Variants in AP5Z1 observed in about 807,000 individuals in gnomAD.
AP5Z1 encodes the protein adaptor related protein complex 5 subunit zeta 1.
Under a neutral mutation model 83.0 loss-of-function variants are expected in AP5Z1, and 106 were observed. That is an observed-to-expected ratio of 1.28 (90% CI 1.09 to 1.50). The LOEUF (loss-of-function observed/expected upper bound fraction) is 1.50, where lower values mean the gene tolerates loss of function less well. AP5Z1 is among the 40% of genes most tolerant of loss of function. The probability of loss-of-function intolerance (pLI) is 0.00; values close to 1 mark genes in which losing one functional copy is unlikely to be tolerated. For missense variants in AP5Z1, 1,565 were observed against 1,094.2 expected (o/e 1.43, Z -6.07); for synonymous variants, 751 against 514.1 (o/e 1.46, Z -6.23).
chr7:4,785,140 C>T, intron 7 of AP5Z1, 92 bp downstream of exon 7: 1 of 1,505,092 alleles, frequency 6.6e-7, no homozygotes, highest in Non-Finnish European at 8.9e-7. Context: ...CCCTGAGCTA[C>T]TGCTCCACAG....
chr7:4,783,732 C>G lies in AP5Z1; in HGVS notation c.555C>G (p.Arg185=). ...LLSKRLVDWL[R]YASLQQGLPH... ...GCAAGCGGCTGGTCGACTGGCTGCG[C>G]TACGCCAGCCTCCAGCAAGGGCTCC... is the stretch of plus-strand genomic sequence containing the variant. Residue 185 remains arginine, a synonymous_variant, in exon 5 of 17, where the codon CGC becomes CGG. Transcript: ENST00000649063. The G allele has an allele frequency of 6.4e-7, 1 of 1,550,622 alleles. No homozygotes were observed. Among genetic ancestry groups the G allele is most frequent in the Middle Eastern group, 1.7e-4 (1 of 5,992 alleles).
chr7:4,787,721 C>A lies in AP5Z1; in HGVS notation c.1399C>A (p.Leu467Met), dbSNP rs1298374280. The A allele has an allele frequency of 3.2e-6, 5 of 1,548,888 alleles. No homozygotes were observed. The South Asian group carries it at 4.7e-5, about 15-fold the overall frequency. Residue 467 changes from leucine to methionine, a missense_variant, in exon 11 of 17, where the codon CTG becomes ATG. Physicochemically the swap from Leu to Met is conservative, Grantham distance 15. Coordinates refer to ENST00000649063, the MANE Select transcript of AP5Z1 (RefSeq NM_014855.3). ...GGACGCTGGCACAGCCCTGGAGATG[C>A]TGCACGCGCTGCTGGACCTGCCCTG... Reference protein sequence around the residue: ...LVDAGTALEMLHALLDLPCLT... With the variant: ...LVDAGTALEMMHALLDLPCLT...
In AP5Z1 at chr7:4,792,227, C is replaced by CGGTGCCTGGGACGGGCTCA; in HGVS notation, c.*844_*862dup. ...GCACAGCTGTGTCGCACGTTCCGCC[C>CGGTGCCTGGGACGGGCTCA]GGTGCCTGGGACGGGCTCAGCCGCC... On this transcript the variant is annotated 3_prime_UTR_variant, in exon 17 of 17. Coordinates refer to ENST00000649063, the MANE Select transcript of AP5Z1 (RefSeq NM_014855.3). 1 of 152,358 alleles carries CGGTGCCTGGGACGGGCTCA rather than the reference C, an allele frequency of 6.6e-6. No homozygotes were observed. Among genetic ancestry groups the CGGTGCCTGGGACGGGCTCA allele is most frequent in the East Asian group, 1.9e-4 (1 of 5,176 alleles). The allele number at this position is 152,358 out of a possible 1,614,324, so 9.4% of individuals were successfully genotyped here. A position where few individuals can be genotyped will look rare whatever the true frequency, so the allele number is the denominator to read the frequency against.
At chr7:4,790,376 C>T (rs751140125) in intron 14 of AP5Z1, 83 bp from the exon 15 acceptor site, 76 of 1,599,848 alleles carry the variant, frequency 4.8e-5, no homozygotes, top group African/African-American at 1.1e-4. Flanking sequence ...AGACGCTTCC[C>T]GGGTTTCTCC....
chr7:4,789,074 A>C (rs1233699108), intron 13 of AP5Z1, 123 bp downstream of exon 13: 2 of 837,432 alleles, frequency 2.4e-6, no homozygotes, highest in Non-Finnish European at 3.7e-6. Flanking sequence ...CCCACCATCC[A>C]CGGTCCCTGT....
chr7:4,787,864 C>A (rs1781602159), intron 11 of AP5Z1, 88 bp downstream of exon 11: 4 of 1,419,260 alleles, frequency 2.8e-6, no homozygotes, highest in South Asian at 1.4e-5. Context: ...CTGACCCCTA[C>A]ACCGGGGACC....
intron 7 of AP5Z1, 22 bp downstream of exon 7, chr7:4,785,070 C>G: frequency 6.3e-7 from 1 of 1,577,730 alleles, no homozygotes; most frequent in Non-Finnish European, 8.6e-7. Context: ...ACCCAGGGCA[C>G]TGGCCTCCCC....
intron 12 of AP5Z1, chr7:4,788,639 T>G (rs1157743539): frequency 3.7e-6 from 2 of 536,444 alleles, no homozygotes; most frequent in East Asian, 6.3e-5. Context: ...CACGCCAGCC[T>G]TTGTCCCGAT....
rs1781602159 is a variant in AP5Z1, at chr7:4,787,864, C to T, written c.1454+88C>T. On this transcript the variant is annotated intron_variant, in intron 11 of 16. Coordinates refer to ENST00000649063, the MANE Select transcript of AP5Z1 (RefSeq NM_014855.3). Reference sequence around the variant, plus strand: ...CCCTCCTCGCTGCTCCTGACCCCTACACCGGGGACCCTCCTTCTTCCCCCC... The same window carrying T: ...CCCTCCTCGCTGCTCCTGACCCCTATACCGGGGACCCTCCTTCTTCCCCCC... 22 of 1,419,380 alleles carry T rather than the reference C, an allele frequency of 1.5e-5. No individual in the cohort carries two copies. In the Middle Eastern group the frequency reaches 7.6e-4, roughly 49 times the overall value. 87.9% of individuals were successfully genotyped at this position (1,419,380 alleles called of 1,614,324 possible). A position where few individuals can be genotyped will look rare whatever the true frequency, so the allele number is the denominator to read the frequency against.
intron 7 of AP5Z1, 102 bp from the exon 8 acceptor site, chr7:4,785,313 C>T: frequency 2.0e-6 from 3 of 1,476,760 alleles, no homozygotes; most frequent in Non-Finnish European, 2.7e-6. Context: ...TCCCACCCCC[C>T]TGCTCCCGGT....
chr7:4,786,308 G>C lies in AP5Z1; in HGVS notation c.1191G>C (p.Pro397=). ...AVYQHLFTRI[P]VEQFHSPMLA... is the part of the protein sequence containing the mutation. ...ACCAGCACCTGTTCACCAGGATCCC[G>C]GTGGAGCAGTTCCACAGCCCCATGC... The change falls in exon 10 of 17, where the codon CCG becomes CCC. Residue 397 remains proline (P), a synonymous_variant. Coordinates refer to ENST00000649063, the MANE Select transcript of AP5Z1 (RefSeq NM_014855.3). 6.2e-7 allele frequency: 1 copy of C among 1,613,774 alleles called. No individual in the cohort carries two copies. Among genetic ancestry groups the C allele is most frequent in the Non-Finnish European group, 8.5e-7 (1 of 1,179,796 alleles).
rs1210907106 is a variant in AP5Z1, at chr7:4,794,191, T to G, written c.*2806T>G. The stretch of plus-strand genomic sequence containing the variant: ...AATCTGGTGGGGACATGGAGAACCT[T>G]TGTGTCTAGCTCAGGGATTGTAAAC... On this transcript the variant is annotated 3_prime_UTR_variant, in exon 17 of 17. Transcript: ENST00000649063. The G allele has an allele frequency of 6.6e-6, 1 of 152,152 alleles. No individual in the cohort carries two copies. The highest frequency in any genetic ancestry group is 1.5e-5 in the Non-Finnish European group (1 of 68,070). The allele number at this position is 152,152 out of a possible 1,614,324, so 9.4% of individuals were successfully genotyped here.
At position 4,783,703 on chromosome 7, in the gene AP5Z1, C is replaced by A; in HGVS notation, c.526C>A (p.Leu176Ile). ...ACCCACTGCAGACCAGGCCACCCTG[C>A]TCAGCAAGCGGCTGGTCGACTGGCT... ...GTLQEDQATL[L>I]SKRLVDWLRY... Residue 176 changes from leucine (L) to isoleucine (I), a missense_variant, in exon 5 of 17, where the codon CTC (leucine) becomes ATC (isoleucine). By Grantham distance (5) the Leu-to-Ile change is conservative. Transcript: ENST00000649063. The A allele has an allele frequency of 1.3e-6, 2 of 1,550,602 alleles. No homozygotes were observed. The highest frequency in any genetic ancestry group is 1.4e-5 in the African/African-American group (1 of 73,180).
At chr7:4,787,841 C>A in intron 11 of AP5Z1, 65 bp downstream of exon 11, 1 of 1,471,612 alleles carries the variant, frequency 6.8e-7, no homozygotes. Context: ...ACTGGGCCCC[C>A]TCCTCGCTGC....
chr7:4,787,279 C>T (rs1781576990), intron 10 of AP5Z1, among the ~76,000 whole-genome samples: 1 of 151,766 alleles, frequency 6.6e-6, no homozygotes, highest in Non-Finnish European at 1.5e-5. Context: ...GATCTTGAGG[C>T]CAGGAGTTCA....
At position 4,794,235 on chromosome 7, in the gene AP5Z1, TCAAAA is replaced by T. The variant is rs1651789347; in HGVS notation, c.*2853_*2857del. 2 of 152,162 alleles carry T rather than the reference TCAAAA, an allele frequency of 1.3e-5. No individual in the cohort carries two copies. Among genetic ancestry groups the T allele is most frequent in the African/African-American group, 4.8e-5 (2 of 41,404 alleles). 9.4% of individuals were successfully genotyped at this position (152,162 alleles called of 1,614,324 possible). On this transcript the variant is annotated 3_prime_UTR_variant, in exon 17 of 17. Transcript: ENST00000649063. The stretch of plus-strand genomic sequence containing the variant: ...TGTAAACGCACCAATCAGCACCCTG[TCAAAA>T]CAGACCACTCGGCTCTACCAGTCAG...
intron 1 of AP5Z1, among the ~76,000 whole-genome samples, chr7:4,779,064 A>G (rs1781300862): frequency 6.8e-6 from 1 of 146,284 alleles, no homozygotes; most frequent in South Asian, 2.1e-4. Flanking sequence ...AGATAGATAT[A>G]AAAATATATT....
chr7:4,780,752 C>G (rs1319734266), intron 1 of AP5Z1, among the ~76,000 whole-genome samples: 1 of 152,050 alleles, frequency 6.6e-6, no homozygotes, highest in Admixed American at 6.5e-5. Flanking sequence ...GGTGACAGAG[C>G]AAGACTCCAT....
intron 1 of AP5Z1, among the ~76,000 whole-genome samples, chr7:4,780,658 C>T (rs952419098): frequency 6.6e-5 from 10 of 152,028 alleles, no homozygotes; most frequent in Admixed American, 5.9e-4. Context: ...CCCATCTACT[C>T]GGAAGACTGA....
Sources: gnomAD v4.1 joint callset for allele counts (sites outside exome capture counted in the v4.1 genomes callset) on GRCh38, gnomAD v4.1.1 for gene constraint, MANE v1.5 for transcripts, NCBI Gene and HGNC (gene_info 2026-07-23, HGNC 2026-07-21) for gene names.